Variants in KCTD8 observed in about 807,000 individuals in gnomAD.
KCTD8 encodes the protein potassium channel tetramerization domain containing 8.
In KCTD8, 27 loss-of-function variants were observed where a neutral mutation model predicts 31.5. The ratio of observed to expected loss-of-function variants is 0.86; its 90% CI spans 0.63 to 1.18. The LOEUF is 1.18. Among genes scored for constraint, KCTD8 ranks in the 50% most tolerant of loss-of-function variants. The pLI, the probability that KCTD8 is intolerant of heterozygous loss-of-function variation, is 0.00. For synonymous variants in KCTD8, 290 were observed against 280.0 expected, an observed-to-expected ratio of 1.04 and a Z score of -0.36; for missense variants, 658 against 647.7, an observed-to-expected ratio of 1.02 and a Z score of -0.17.
chr4:44,231,800 G>C (rs1005328462), intron 1 of KCTD8, among the ~76,000 whole-genome samples: 4 of 151,790 alleles, frequency 2.6e-5, no homozygotes, highest in Admixed American at 6.6e-5. Flanking sequence ...CTCTCTCTCT[G>C]CCTTTCTTTC....
chr4:44,258,437 A>G (rs1319948616), intron 1 of KCTD8, among the ~76,000 whole-genome samples: 1 of 152,108 alleles, frequency 6.6e-6, no homozygotes, highest in Non-Finnish European at 1.5e-5. Flanking sequence ...GAGTTTAACT[A>G]ATTCATGTAT....
intron 1 of KCTD8, among the ~76,000 whole-genome samples, chr4:44,330,834 T>C (rs1333472680): frequency 1.3e-5 from 2 of 151,884 alleles, no homozygotes; most frequent in Admixed American, 6.6e-5. Flanking sequence ...ACAAAGACAG[T>C]GTGTCCATCA....
intron 1 of KCTD8, among the ~76,000 whole-genome samples, chr4:44,273,216 T>C (rs1157767972): frequency 1.3e-5 from 2 of 152,054 alleles, no homozygotes; most frequent in Admixed American, 6.6e-5. Context: ...GTGACATATA[T>C]AATTCATCAT....
intron 1 of KCTD8, among the ~76,000 whole-genome samples, chr4:44,402,720 C>T (rs1720695538): frequency 6.6e-6 from 1 of 152,114 alleles, no homozygotes; most frequent in South Asian, 2.1e-4. Context: ...TGACTCTGTC[C>T]CACCTCCCCT....
intron 1 of KCTD8, among the ~76,000 whole-genome samples, chr4:44,182,285 A>G (rs1324940854): frequency 2.6e-5 from 4 of 152,254 alleles, no homozygotes; most frequent in African/African-American, 4.8e-5. Context: ...CCATCTGGGC[A>G]GTGTACCCAA....
intron 1 of KCTD8, among the ~76,000 whole-genome samples, chr4:44,203,486 A>G (rs1470048614): frequency 7.1e-6 from 1 of 141,500 alleles, no homozygotes; most frequent in Non-Finnish European, 1.5e-5. Flanking sequence ...CAAGAGCGAG[A>G]CTCCATCTCA....
At chr4:44,275,371 T>C (rs1266132887) in intron 1 of KCTD8, among the ~76,000 whole-genome samples, 5 of 151,890 alleles carry the variant, frequency 3.3e-5, no homozygotes, top group Admixed American at 1.3e-4. Flanking sequence ...CCACCCTCTG[T>C]CCCTCCCGCC....
chr4:44,362,914 T>G (rs1719537007), intron 1 of KCTD8, among the ~76,000 whole-genome samples: 1 of 152,118 alleles, frequency 6.6e-6, no homozygotes, highest in Non-Finnish European at 1.5e-5. Flanking sequence ...ATGATATATT[T>G]ATAATACTTA....
chr4:44,297,990 G>A (rs1717485890), intron 1 of KCTD8, among the ~76,000 whole-genome samples: 1 of 152,082 alleles, frequency 6.6e-6, no homozygotes, highest in Non-Finnish European at 1.5e-5. Flanking sequence ...TTTTGAGACT[G>A]CCATTAGACT....
intron 1 of KCTD8, among the ~76,000 whole-genome samples, chr4:44,435,510 C>T (rs1468268976): frequency 6.6e-6 from 1 of 151,946 alleles, no homozygotes; most frequent in African/African-American, 2.4e-5. Flanking sequence ...TGAAATCCTA[C>T]TTCTTGTACT....
chr4:44,314,654 C>A (rs745774868), intron 1 of KCTD8, among the ~76,000 whole-genome samples: 40 of 152,086 alleles, frequency 2.6e-4, no homozygotes, highest in Admixed American at 1.6e-3. Flanking sequence ...ATATACACAT[C>A]TATATGCATA....
At chr4:44,366,663 T>TAGC (rs35927939) in intron 1 of KCTD8, among the ~76,000 whole-genome samples, 48,465 of 151,630 alleles carry the variant, frequency 0.32, 8,284 homozygotes, top group Non-Finnish European at 0.39. Flanking sequence ...TTCATCAAAT[T>TAGC]AGCAGCAGCA....
At chr4:44,313,997 A>T (rs1296273410) in intron 1 of KCTD8, among the ~76,000 whole-genome samples, 1 of 152,238 alleles carries the variant, frequency 6.6e-6, no homozygotes, top group Non-Finnish European at 1.5e-5. Context: ...CCAGACAATG[A>T]ATGGTCATGT....
intron 1 of KCTD8, among the ~76,000 whole-genome samples, chr4:44,431,275 A>C (rs1721495702): frequency 6.6e-6 from 1 of 151,558 alleles, no homozygotes; most frequent in Non-Finnish European, 1.5e-5. Flanking sequence ...TTATTTCTTC[A>C]GTTTCTCTCC....
chr4:44,285,489 G>T (rs11947176), intron 1 of KCTD8, among the ~76,000 whole-genome samples: 2 of 152,112 alleles, frequency 1.3e-5, no homozygotes, highest in South Asian at 2.1e-4. Context: ...GGGTGTAGGG[G>T]AGGGATAACA....
At chr4:44,348,789 T>C (rs1341667483) in intron 1 of KCTD8, among the ~76,000 whole-genome samples, 5 of 152,070 alleles carry the variant, frequency 3.3e-5, no homozygotes, top group African/African-American at 1.2e-4. Flanking sequence ...ACCGGTTATA[T>C]GACCTTCTTG....
At chr4:44,207,456 T>C (rs948526938) in intron 1 of KCTD8, among the ~76,000 whole-genome samples, 1 of 152,174 alleles carries the variant, frequency 6.6e-6, no homozygotes, top group African/African-American at 2.4e-5. Context: ...CCCATTATAA[T>C]AAAAGCTCCA....
chr4:44,232,339 A>G (rs952575368), intron 1 of KCTD8, among the ~76,000 whole-genome samples: 1 of 152,024 alleles, frequency 6.6e-6, no homozygotes, highest in Non-Finnish European at 1.5e-5. Context: ...TTAATGATTA[A>G]AGTGGTTAAA....
intron 1 of KCTD8, among the ~76,000 whole-genome samples, chr4:44,213,264 A>G (rs1714549210): frequency 6.6e-6 from 1 of 151,984 alleles, no homozygotes. Flanking sequence ...AAAATTTTTA[A>G]TTATATTTTA....
Sources: allele counts gnomAD v4.1 joint callset (sites outside exome capture counted in the v4.1 genomes callset), GRCh38; gene constraint gnomAD v4.1.1; transcripts MANE v1.5; gene names NCBI Gene and HGNC (gene_info 2026-07-23, HGNC 2026-07-21).